Variants in KSR2 observed in about 807,000 individuals in gnomAD.
KSR2 encodes the protein kinase suppressor of ras 2.
In KSR2, 25 loss-of-function variants were observed where a neutral mutation model predicts 107.8. The ratio of observed to expected loss-of-function variants is 0.23; its 90% CI spans 0.17 to 0.32. The LOEUF is 0.32. KSR2 is among the 10% of genes least tolerant of loss of function. The pLI, the probability that KSR2 is intolerant of heterozygous loss-of-function variation, is 1.00. For missense variants in KSR2, 887 were observed against 1,268.9 expected (o/e 0.70, Z 4.57); for synonymous variants, 480 against 507.0 (o/e 0.95, Z 0.71).
intron 4 of KSR2, among the ~76,000 whole-genome samples, chr12:117,683,207 T>C (rs962924104): frequency 5.3e-5 from 8 of 152,186 alleles, no homozygotes; most frequent in African/African-American, 1.9e-4. Flanking sequence ...TAGTCATATA[T>C]AAATAGTATA....
chr12:117,877,490 G>A (rs932110369), intron 1 of KSR2, among the ~76,000 whole-genome samples: 3 of 152,116 alleles, frequency 2.0e-5, no homozygotes, highest in African/African-American at 7.2e-5. Flanking sequence ...TAATAACGCT[G>A]TTACTGATAA....
chr12:117,493,021 CTTG>C (rs992345522), intron 14 of KSR2, among the ~76,000 whole-genome samples: 3 of 152,094 alleles, frequency 2.0e-5, no homozygotes, highest in East Asian at 1.9e-4. Context: ...GAACCATGTT[CTTG>C]TTGTTTGTTG....
At chr12:117,593,346 T>C (rs1355496540) in intron 5 of KSR2, among the ~76,000 whole-genome samples, 1 of 152,068 alleles carries the variant, frequency 6.6e-6, no homozygotes, top group Non-Finnish European at 1.5e-5. Context: ...TGGCCTCACG[T>C]TGAAATAAAC....
intron 1 of KSR2, among the ~76,000 whole-genome samples, chr12:117,916,139 T>C (rs2137443892): frequency 6.9e-6 from 1 of 144,158 alleles, no homozygotes; most frequent in South Asian, 2.4e-4. Flanking sequence ...CTTCTTCTTT[T>C]TTTTTTTTTT....
intron 16 of KSR2, among the ~76,000 whole-genome samples, chr12:117,479,103 T>C (rs958500048): frequency 6.6e-6 from 1 of 152,228 alleles, no homozygotes; most frequent in Non-Finnish European, 1.5e-5. Flanking sequence ...TAAGGCTGGA[T>C]GTATCCCATA....
chr12:117,900,532 G>T (rs1371093824), intron 1 of KSR2, among the ~76,000 whole-genome samples: 1 of 152,188 alleles, frequency 6.6e-6, no homozygotes, highest in Non-Finnish European at 1.5e-5. Context: ...AAAATGTACT[G>T]TGTGCCAGGC....
chr12:117,685,476 G>A (rs1885532668), intron 4 of KSR2, among the ~76,000 whole-genome samples: 1 of 152,204 alleles, frequency 6.6e-6, no homozygotes, highest in South Asian at 2.1e-4. Context: ...AATTGGCGCA[G>A]AGGTCTGCTC....
chr12:117,576,624 A>C (rs187294827), intron 7 of KSR2, among the ~76,000 whole-genome samples: 49 of 151,992 alleles, frequency 3.2e-4, no homozygotes, highest in Non-Finnish European at 6.6e-4. Flanking sequence ...CAGCCTCCCA[A>C]GTATCTAGGA....
intron 3 of KSR2, among the ~76,000 whole-genome samples, chr12:117,819,605 G>GT (rs1301588411): frequency 6.6e-6 from 1 of 151,896 alleles, no homozygotes; most frequent in African/African-American, 2.4e-5. Context: ...CAGTTAAGCT[G>GT]TCAAAAAAAA....
intron 3 of KSR2, among the ~76,000 whole-genome samples, chr12:117,825,903 G>C (rs1891726046): frequency 7.3e-6 from 1 of 137,384 alleles, no homozygotes; most frequent in African/African-American, 2.7e-5. Context: ...GCATAGATGC[G>C]TGGATGGGTG....
At chr12:117,801,283 A>ATTTTTT (rs35746430) in intron 3 of KSR2, among the ~76,000 whole-genome samples, 1 of 136,024 alleles carries the variant, frequency 7.4e-6, no homozygotes, top group Non-Finnish European at 1.6e-5. Flanking sequence ...TGCCCGGCTA[A>ATTTTTT]TTTTTTTTTT....
intron 5 of KSR2, among the ~76,000 whole-genome samples, chr12:117,592,339 G>T (rs923417151): frequency 6.6e-6 from 1 of 151,856 alleles, no homozygotes; most frequent in African/African-American, 2.4e-5. Context: ...GTCTCTAACT[G>T]CCGACCTCAG....
chr12:117,473,186 A>G (rs1157352703), intron 17 of KSR2, among the ~76,000 whole-genome samples: 1 of 152,202 alleles, frequency 6.6e-6, no homozygotes, highest in African/African-American at 2.4e-5. Context: ...CTCTGCCTCC[A>G]GACCGACCCT....
intron 1 of KSR2, among the ~76,000 whole-genome samples, chr12:117,872,224 C>G (rs1386449048): frequency 1.3e-5 from 2 of 152,184 alleles, no homozygotes; most frequent in African/African-American, 4.8e-5. Flanking sequence ...GCAGCTCACC[C>G]AAGGTACTAG....
At chr12:117,958,030 G>A (rs958339543) in intron 1 of KSR2, among the ~76,000 whole-genome samples, 13 of 151,860 alleles carry the variant, frequency 8.6e-5, no homozygotes, top group Non-Finnish European at 1.5e-4. Flanking sequence ...ACGGGGTTTC[G>A]CCATGTTGGC....
chr12:117,873,563 C>T (rs536272218), intron 1 of KSR2, among the ~76,000 whole-genome samples: 32 of 149,670 alleles, frequency 2.1e-4, no homozygotes, highest in Non-Finnish European at 3.2e-4. Flanking sequence ...CGGGTCCAAG[C>T]GATTCTCGTG....
At chr12:117,906,719 G>A (rs908431915) in intron 1 of KSR2, among the ~76,000 whole-genome samples, 2 of 152,112 alleles carry the variant, frequency 1.3e-5, no homozygotes, top group Non-Finnish European at 2.9e-5. Flanking sequence ...TCAGTGTTCA[G>A]TGAGCATCAA....
chr12:117,584,126 G>T (rs1260148069), intron 5 of KSR2, among the ~76,000 whole-genome samples: 2 of 152,176 alleles, frequency 1.3e-5, no homozygotes, highest in Non-Finnish European at 2.9e-5. Flanking sequence ...AAAGGGCAGA[G>T]AAAACCTAAG....
chr12:117,697,625 A>G (rs1219759381), intron 4 of KSR2, among the ~76,000 whole-genome samples: 1 of 151,900 alleles, frequency 6.6e-6, no homozygotes, highest in African/African-American at 2.4e-5. Context: ...CTGTAATCCC[A>G]GATACTCAGA....
Sources: gnomAD v4.1 joint callset for allele counts (sites outside exome capture counted in the v4.1 genomes callset) on GRCh38, gnomAD v4.1.1 for gene constraint, MANE v1.5 for transcripts, NCBI Gene and HGNC (gene_info 2026-07-23, HGNC 2026-07-21) for gene names.